PTPRK: variants seen among roughly 807,000 people sequenced by gnomAD.
PTPRK encodes protein tyrosine phosphatase receptor type K.
A neutral mutation model predicts 178.0 loss-of-function variants in PTPRK; 75 were observed. The observed-to-expected ratio is 0.42, with a 90% CI of 0.35 to 0.51. The LOEUF (loss-of-function observed/expected upper bound fraction) is 0.51, where lower values mean the gene tolerates loss of function less well. PTPRK is among the 20% of genes least tolerant of loss of function. The probability of loss-of-function intolerance (pLI) is 0.02; values close to 1 mark genes in which losing one functional copy is unlikely to be tolerated. For missense variants in PTPRK, 1,441 were observed against 1,797.8 expected (o/e 0.80, Z 3.59); for synonymous variants, 637 against 620.6 (o/e 1.03, Z -0.39).
chr6:128,010,965 G>A (rs1328633105), intron 13 of PTPRK, among the ~76,000 whole-genome samples: 4 of 151,108 alleles, frequency 2.6e-5, no homozygotes, highest in Non-Finnish European at 5.9e-5. Context: ...TTATTTTATG[G>A]TTGAATTTAC....
intron 7 of PTPRK, among the ~76,000 whole-genome samples, chr6:128,093,616 A>AAC (rs1787396259): frequency 6.7e-6 from 1 of 148,740 alleles, no homozygotes; most frequent in Non-Finnish European, 1.5e-5. Flanking sequence ...AAAAAAAAAA[A>AAC]AAAAAAACGA....
At chr6:128,134,605 G>T (rs375141461) in intron 7 of PTPRK, among the ~76,000 whole-genome samples, 9 of 152,232 alleles carry the variant, frequency 5.9e-5, no homozygotes, top group African/African-American at 2.2e-4. Flanking sequence ...GAGCTCAGGG[G>T]TTCAAGACCA....
At chr6:128,435,038 CAGGAAGGCAGGA>C (rs1441723052) in intron 1 of PTPRK, among the ~76,000 whole-genome samples, 8 of 75,966 alleles carry the variant, frequency 1.1e-4, no homozygotes, top group Middle Eastern at 8.1e-3. Flanking sequence ...GACAGGAAGG[CAGGAAGGCAGGA>C]AGGAAGGAAG....
chr6:128,389,460 ATTC>A, intron 2 of PTPRK, among the ~76,000 whole-genome samples: 1 of 141,346 alleles, frequency 7.1e-6, no homozygotes, highest in African/African-American at 2.6e-5. Flanking sequence ...TTTCCCTGGC[ATTC>A]TTCTTGTGTT....
chr6:127,981,587 T>C (rs1775344046), intron 24 of PTPRK, among the ~76,000 whole-genome samples: 1 of 152,110 alleles, frequency 6.6e-6, no homozygotes, highest in African/African-American at 2.4e-5. Flanking sequence ...AATCGGGCAG[T>C]CCATTATGAT....
chr6:128,269,484 G>T (rs1393249263), intron 3 of PTPRK, among the ~76,000 whole-genome samples: 1 of 151,450 alleles, frequency 6.6e-6, no homozygotes, highest in Non-Finnish European at 1.5e-5. Context: ...AAAGAGGGTG[G>T]CATCTTAACT....
rs1444860329 is a variant in PTPRK, at chr6:128,078,904, C to T, written c.1792G>A (p.Asp598Asn). The T allele has an allele frequency of 1.2e-6, 2 of 1,609,888 alleles. No individual in the cohort carries two copies. Among genetic ancestry groups the T allele is most frequent in the African/African-American group, 1.3e-5 (1 of 74,642 alleles). Reference sequence around the variant, plus strand: ...AGAGAGGCATCAACTCCTTCATAGTCAGGTAAAGTTGGAGCTGATGAGTGA... The same window carrying T: ...AGAGAGGCATCAACTCCTTCATAGTTAGGTAAAGTTGGAGCTGATGAGTGA... ...TTNISAPTLP[D>N]YEGVDASLNE... The change falls in exon 11 of 30, where the codon GAC becomes AAC. Residue 598 changes from aspartate (D) to asparagine (N), a missense_variant. By Grantham distance (23) the Asp-to-Asn change is conservative (BLOSUM62 1). Transcript: ENST00000368226.
At chr6:128,397,116 T>C (rs923743215) in intron 2 of PTPRK, among the ~76,000 whole-genome samples, 2 of 152,230 alleles carry the variant, frequency 1.3e-5, no homozygotes, top group African/African-American at 4.8e-5. Flanking sequence ...GTCACTGGCA[T>C]GCTCATGACC....
At chr6:128,405,093 G>A (rs1022281743) in intron 1 of PTPRK, among the ~76,000 whole-genome samples, 3 of 152,104 alleles carry the variant, frequency 2.0e-5, no homozygotes, top group Non-Finnish European at 4.4e-5. Flanking sequence ...AGGCATCCCT[G>A]ATATCACTGA....
At chr6:128,437,997 A>T (rs753459907) in intron 1 of PTPRK, among the ~76,000 whole-genome samples, 36 of 152,248 alleles carry the variant, frequency 2.4e-4, no homozygotes, top group Non-Finnish European at 4.7e-4. Context: ...GAAGAACCTG[A>T]ACATCCGAAA....
At chr6:128,384,577 A>G (rs1838423806) in intron 2 of PTPRK, among the ~76,000 whole-genome samples, 1 of 152,184 alleles carries the variant, frequency 6.6e-6, no homozygotes, top group South Asian at 2.1e-4. Flanking sequence ...CCACCAGTGG[A>G]AAGAGTTTGT....
At chr6:128,293,239 A>C (rs1290506606) in intron 3 of PTPRK, among the ~76,000 whole-genome samples, 1 of 152,072 alleles carries the variant, frequency 6.6e-6, no homozygotes, top group African/African-American at 2.4e-5. Context: ...TATTTCTCAC[A>C]GTTCTAGAAG....
chr6:128,297,086 T>A (rs1366046663), intron 3 of PTPRK, among the ~76,000 whole-genome samples: 4 of 151,272 alleles, frequency 2.6e-5, no homozygotes, highest in Non-Finnish European at 5.9e-5. Flanking sequence ...TAGTCTCGGA[T>A]AAAACAGACT....
At chr6:128,201,531 C>T (rs1296233026) in intron 6 of PTPRK, among the ~76,000 whole-genome samples, 9 of 152,154 alleles carry the variant, frequency 5.9e-5, no homozygotes, top group Admixed American at 1.3e-4. Context: ...AAGGAACACA[C>T]GTCTCCTGTT....
In PTPRK at chr6:128,504,499, T is replaced by G. The variant is rs558534158; in HGVS notation, c.100+15760A>C. On this transcript the variant is annotated intron_variant, in intron 1 of 29. Coordinates refer to ENST00000368226, the MANE Select transcript of PTPRK (RefSeq NM_002844.4). ...GTAAGTAACTAAGAACTTCAAAGGA[T>G]TGCCCTACAGACTCCTGAACCTAAA... Among the ~76,000 whole-genome samples, 191 of 152,204 alleles carry G rather than the reference T, an allele frequency of 1.3e-3. 1 individual carries two copies. Among genetic ancestry groups the G allele is most frequent in the African/African-American group, 4.5e-3 (185 of 41,526 alleles).
At chr6:128,192,158 G>T (rs1043377573) in intron 6 of PTPRK, among the ~76,000 whole-genome samples, 1 of 152,184 alleles carries the variant, frequency 6.6e-6, no homozygotes, top group Non-Finnish European at 1.5e-5. Context: ...AATAATCAGT[G>T]ATGGGAAAAT....
At chr6:128,411,854 T>A (rs1484373278) in intron 1 of PTPRK, among the ~76,000 whole-genome samples, 1 of 152,240 alleles carries the variant, frequency 6.6e-6, no homozygotes, top group Admixed American at 6.5e-5. Context: ...TATTTATTTC[T>A]AGCCTTTCCC....
At chr6:128,333,156 G>C (rs1316928768) in intron 2 of PTPRK, among the ~76,000 whole-genome samples, 1 of 152,154 alleles carries the variant, frequency 6.6e-6, no homozygotes, top group African/African-American at 2.4e-5. Context: ...AGATTGAAAT[G>C]AACAATTAAA....
intron 3 of PTPRK, among the ~76,000 whole-genome samples, chr6:128,257,608 T>C (rs1817543493): frequency 6.6e-6 from 1 of 152,154 alleles, no homozygotes; most frequent in Non-Finnish European, 1.5e-5. Context: ...AAACACATTA[T>C]ATATTCAGGA....
Sources: gnomAD v4.1 joint callset for allele counts (sites outside exome capture counted in the v4.1 genomes callset) on GRCh38, gnomAD v4.1.1 for gene constraint, MANE v1.5 for transcripts, NCBI Gene and HGNC (gene_info 2026-07-23, HGNC 2026-07-21) for gene names.